TMEM14B: variants seen among roughly 807,000 people sequenced by gnomAD.
TMEM14B encodes the protein transmembrane protein 14B.
TMEM14B carries 9 observed loss-of-function variants against 14.8 expected under a neutral mutation model. That is an observed-to-expected ratio of 0.61 (90% CI 0.37 to 1.06). The LOEUF is 1.06. TMEM14B is among the 50% of genes least tolerant of loss of function. The probability of loss-of-function intolerance (pLI) is 0.01; values close to 1 mark genes in which losing one functional copy is unlikely to be tolerated. For missense variants in TMEM14B, 128 were observed against 143.6 expected (o/e 0.89, Z 0.56); for synonymous variants, 40 against 51.3 (o/e 0.78, Z 0.94).
At chr6:10,749,850 C>G (rs1271137456) in intron 3 of TMEM14B, 152 bp downstream of exon 3, 2 of 844,972 alleles carry the variant, frequency 2.4e-6, no homozygotes, top group Non-Finnish European at 3.9e-6. Context: ...TCTTGCAGCT[C>G]CTGCCCTTGC....
intron 4 of TMEM14B, among the ~76,000 whole-genome samples, chr6:10,751,471 G>C (rs946084348): frequency 2.0e-5 from 3 of 152,034 alleles, no homozygotes; most frequent in African/African-American, 7.3e-5. Context: ...CTTGTGAATT[G>C]TGTGACTCTC....
At chr6:10,748,336 C>T (rs1378817362) in intron 1 of TMEM14B, among the ~76,000 whole-genome samples, 1 of 152,100 alleles carries the variant, frequency 6.6e-6, no homozygotes, top group Non-Finnish European at 1.5e-5. Context: ...GCCTCTGCCT[C>T]CTGGGCTCAA....
chr6:10,758,066 CTT>C (rs1203049902), downstream of TMEM14B, among the ~76,000 whole-genome samples: 2 of 151,988 alleles, frequency 1.3e-5, no homozygotes, highest in African/African-American at 4.8e-5. Flanking sequence ...AATTCAGACA[CTT>C]TATGTATTTG....
At position 10,755,805 on chromosome 6, in the gene TMEM14B, TTAGG is replaced by T. The variant is rs1581616433; in HGVS notation, c.293+575_293+578del. On this transcript the variant is annotated intron_variant, in intron 5 of 5. Coordinates refer to ENST00000379542, the MANE Select transcript of TMEM14B (RefSeq NM_030969.5). ...CTCCTCTCTATGAAAAATACAAAAATTAGGTGGGTGCGGTGGTGCACGCCTGTAA... is the reference window on the plus strand; with the variant it reads ...CTCCTCTCTATGAAAAATACAAAAATTGGGTGCGGTGGTGCACGCCTGTAA... 3 of 384,484 alleles carry T rather than the reference TTAGG, an allele frequency of 7.8e-6. No homozygotes were observed. In the Admixed American group the frequency reaches 1.7e-4, roughly 22 times the overall value. The allele number at this position is 384,484 out of a possible 1,614,324, so 23.8% of individuals were successfully genotyped here.
At chr6:10,755,641 C>T (rs1191816914) in intron 5 of TMEM14B, 2 of 1,156,078 alleles carry the variant, frequency 1.7e-6, no homozygotes, top group African/African-American at 3.2e-5. Flanking sequence ...AATACCTAAA[C>T]CAAATTGTGG....
chr6:10,752,452 C>CTTTT lies in TMEM14B; in HGVS notation c.202+1237_202+1240dup, dbSNP rs60849022. Among the ~76,000 whole-genome samples, 34 of 112,496 alleles carry CTTTT rather than the reference C, an allele frequency of 3.0e-4. 1 individual carries two copies. Among genetic ancestry groups the CTTTT allele is most frequent in the Non-Finnish European group, 4.5e-4 (26 of 57,380 alleles). The allele number at this position is 112,496 out of a possible 152,430, so 73.8% of individuals were successfully genotyped here. A position where few individuals can be genotyped will look rare whatever the true frequency, so the allele number is the denominator to read the frequency against. On this transcript the variant is annotated intron_variant, in intron 4 of 5. Coordinates refer to ENST00000379542, the MANE Select transcript of TMEM14B (RefSeq NM_030969.5). ...TGTCTCCTTCCCCTTCATAAACTAC[C>CTTTT]TTTTTTTTTTTTTTTTTTTTTTGAG...
chr6:10,749,371 C>G, intron 2 of TMEM14B, 103 bp downstream of exon 2: 1 of 1,435,146 alleles, frequency 7.0e-7, no homozygotes, highest in Non-Finnish European at 9.8e-7. Context: ...CCTGGGATGG[C>G]GTGCGGGATG....
chr6:10,755,504 G>T, intron 5 of TMEM14B: 1 of 1,397,326 alleles, frequency 7.2e-7, no homozygotes. Flanking sequence ...AGCTATGACT[G>T]CAGCCTTTTG....
At chr6:10,749,291 G>T in intron 2 of TMEM14B, 23 bp downstream of exon 2, 1 of 1,614,022 alleles carries the variant, frequency 6.2e-7, no homozygotes, top group Non-Finnish European at 8.5e-7. Context: ...TAAATGGTTA[G>T]AGAGTAGCCA....
At chr6:10,758,909 CTTTTTTTTTTTTT>C (rs34333457), downstream of TMEM14B, 6 of 103,460 alleles carry the variant, frequency 5.8e-5, no homozygotes, top group African/African-American at 1.4e-4. Flanking sequence ...AGATCTAATT[CTTTTTTTTTTTTT>C]TTTTTTTTTT....
chr6:10,752,138 A>C (rs1399281003), intron 4 of TMEM14B, among the ~76,000 whole-genome samples: 3 of 152,058 alleles, frequency 2.0e-5, no homozygotes, highest in African/African-American at 7.3e-5. Context: ...CTCATGCTCC[A>C]GAATGACTTG....
At chr6:10,751,784 C>G (rs1037371531) in intron 4 of TMEM14B, among the ~76,000 whole-genome samples, 12 of 152,086 alleles carry the variant, frequency 7.9e-5, no homozygotes, top group African/African-American at 1.9e-4. Flanking sequence ...CAACTGACTT[C>G]ACTGGGGAAG....
chr6:10,755,311 A>C, intron 5 of TMEM14B, 79 bp downstream of exon 5: 1 of 1,602,012 alleles, frequency 6.2e-7, no homozygotes, highest in Non-Finnish European at 8.5e-7. Flanking sequence ...TCAAAACCTT[A>C]CTTGTTTCAG....
chr6:10,752,424 G>A (rs1467616819), intron 4 of TMEM14B, among the ~76,000 whole-genome samples: 1 of 147,632 alleles, frequency 6.8e-6, no homozygotes, highest in African/African-American at 2.5e-5. Flanking sequence ...ATTCAGATGT[G>A]CTTGTCTCCT....
chr6:10,758,461 C>A (rs192129938), downstream of TMEM14B, among the ~76,000 whole-genome samples: 88 of 152,302 alleles, frequency 5.8e-4, 1 homozygote, highest in Admixed American at 1.8e-3. Flanking sequence ...ATCTTCATAG[C>A]CCTTGCCAAG....
At chr6:10,757,042 T>C (rs1373440958), downstream of TMEM14B, 1 of 941,936 alleles carries the variant, frequency 1.1e-6, no homozygotes, top group Non-Finnish European at 1.3e-6. Context: ...TGTTGCTAGA[T>C]ATAGAAACTT....
In TMEM14B at chr6:10,749,701, A is replaced by G; in HGVS notation, c.100+3A>G. 6.2e-7 allele frequency: 1 copy of G among 1,614,126 alleles called. No individual in the cohort carries two copies. Among genetic ancestry groups the G allele is most frequent in the Non-Finnish European group, 8.5e-7 (1 of 1,180,004 alleles). On this transcript the variant is annotated splice_donor_region_variant and intron_variant, in intron 3 of 5. Transcript: ENST00000379542. ...GATCGTTGGCTATGTAAAAACAGGT[A>G]GGGTTTTGTTGTTACTTAGCCTCTT... is the stretch of plus-strand genomic sequence containing the variant.
intron 3 of TMEM14B, 152 bp from the exon 4 acceptor site, chr6:10,750,981 C>T (rs970406800): frequency 1.3e-5 from 11 of 824,176 alleles, no homozygotes; most frequent in Middle Eastern, 3.6e-4. Flanking sequence ...ATAGCACACT[C>T]TCCTTAACGC....
chr6:10,749,981 G>A lies in TMEM14B; in HGVS notation c.100+283G>A, dbSNP rs148358182. ...TATTATCATTGACTGCCATTCATCA[G>A]CCATGACCCCCAAGTGCCATCTCTG... is the stretch of plus-strand genomic sequence containing the variant. On this transcript the variant is annotated intron_variant, in intron 3 of 5. Transcript: ENST00000379542. 7.8e-5 allele frequency: 37 copies of A among 471,490 alleles called. No individual in the cohort carries two copies. In the East Asian group the frequency reaches 1.5e-3, roughly 19 times the overall value. 29.2% of individuals were successfully genotyped at this position (471,490 alleles called of 1,614,324 possible). A position where few individuals can be genotyped will look rare whatever the true frequency, so the allele number is the denominator to read the frequency against.
Sources: gnomAD v4.1 joint callset for allele counts (sites outside exome capture counted in the v4.1 genomes callset) on GRCh38, gnomAD v4.1.1 for gene constraint, MANE v1.5 for transcripts, NCBI Gene and HGNC (gene_info 2026-07-23, HGNC 2026-07-21) for gene names.